Variants in DNAH11 observed in about 807,000 individuals in gnomAD.
DNAH11 encodes dynein axonemal heavy chain 11, also known as axonemal beta dynein heavy chain 11.
In DNAH11, 442 loss-of-function variants were observed where a neutral mutation model predicts 526.0. That is an observed-to-expected ratio of 0.84 (90% confidence interval 0.78 to 0.91). The LOEUF (loss-of-function observed/expected upper bound fraction) is 0.91, where lower values mean the gene tolerates loss of function less well. Among genes scored for constraint, DNAH11 ranks in the 40% least tolerant of loss-of-function variants. The pLI is 0.00. For missense variants in DNAH11, 6,989 were observed against 5,448.7 expected, an observed-to-expected ratio of 1.28 and a Z score of -8.90; for synonymous variants, 2,461 against 1,935.9, an observed-to-expected ratio of 1.27 and a Z score of -7.12.
intron 64 of DNAH11, 142 bp from the exon 65 acceptor site, chr7:21,818,075 G>A (rs1488976891): frequency 1.4e-6 from 1 of 707,074 alleles, no homozygotes. Context: ...TAGTGGAAGG[G>A]AACTACTACT....
chr7:21,865,300 C>G (rs994412848), intron 70 of DNAH11, among the ~76,000 whole-genome samples: 2 of 152,020 alleles, frequency 1.3e-5, no homozygotes, highest in Admixed American at 1.3e-4. Flanking sequence ...TAACTGTTAC[C>G]TCTTATTTTT....
intron 6 of DNAH11, among the ~76,000 whole-genome samples, chr7:21,569,519 T>C (rs2128435978): frequency 1.3e-5 from 2 of 152,324 alleles, no homozygotes; most frequent in South Asian, 4.1e-4. Context: ...TATTCAAAAC[T>C]AGTTCATGTG....
intron 8 of DNAH11, among the ~76,000 whole-genome samples, chr7:21,581,336 G>A (rs1221434393): frequency 2.0e-5 from 3 of 152,138 alleles, no homozygotes; most frequent in South Asian, 4.1e-4. Flanking sequence ...GATGCTAAAC[G>A]CACGCTAATA....
At chr7:21,626,501 T>A (rs1275650630) in intron 25 of DNAH11, among the ~76,000 whole-genome samples, 1 of 152,158 alleles carries the variant, frequency 6.6e-6, no homozygotes, top group Admixed American at 6.6e-5. Flanking sequence ...GATTACATTT[T>A]TCGTTCTTTG....
In DNAH11 at chr7:21,864,648, T is replaced by G. The variant is rs759610114; in HGVS notation, c.11487T>G (p.Ser3829Arg). The change falls in exon 70 of 82, where the codon AGT becomes AGG. Residue 3829 changes from serine to arginine, a missense_variant. Coordinates refer to ENST00000409508, the MANE Select transcript of DNAH11 (RefSeq NM_001277115.2). ...ACTTCCTAACTTCTCAGTCATGGAGTGCTATCAAGGTATGTTAGGAATACA... is the reference window on the plus strand; with the variant it reads ...ACTTCCTAACTTCTCAGTCATGGAGGGCTATCAAGGTATGTTAGGAATACA... Reference protein sequence around the residue: ...PVDFLTSQSWSAIKAIAVMEE... With the variant: ...PVDFLTSQSWRAIKAIAVMEE... The G allele has an allele frequency of 6.3e-7, 1 of 1,599,256 alleles. No individual in the cohort carries two copies. The highest frequency in any genetic ancestry group is 1.3e-5 in the African/African-American group (1 of 74,544).
At chr7:21,828,306 G>C (rs946031415) in intron 65 of DNAH11, among the ~76,000 whole-genome samples, 3 of 152,068 alleles carry the variant, frequency 2.0e-5, no homozygotes, top group African/African-American at 7.2e-5. Context: ...TATTTCCTTT[G>C]CTGGTAAGAA....
intron 6 of DNAH11, among the ~76,000 whole-genome samples, chr7:21,569,259 A>G (rs77828409): frequency 0.17 from 25,261 of 152,124 alleles, 3,312 homozygotes; most frequent in African/African-American, 0.35. Context: ...GCGACCACAA[A>G]ATTGAAGGCA....
chr7:21,893,111 A>G lies in DNAH11; in HGVS notation c.12750+444A>G, dbSNP rs186779911. Among the ~76,000 whole-genome samples the G allele has an allele frequency of 3.2e-3, 493 of 152,328 alleles. 1 individual carries two copies. The highest frequency in any genetic ancestry group is 0.011 in the African/African-American group (457 of 41,578). On this transcript the variant is annotated intron_variant, in intron 77 of 81. Transcript: ENST00000409508. ...GTTGTTTCTTGTTTTTCACTTTTAT[A>G]GAAATATCACAACCATGAACATTCT...
intron 56 of DNAH11, among the ~76,000 whole-genome samples, chr7:21,777,451 A>T (rs1321887487): frequency 6.6e-6 from 1 of 152,076 alleles, no homozygotes; most frequent in African/African-American, 2.4e-5. Flanking sequence ...AAATTACTGA[A>T]TTGTGTGGTA....
At chr7:21,619,078 T>A (rs1194255400) in intron 23 of DNAH11, 22 bp from the exon 24 acceptor site, 1 of 1,612,868 alleles carries the variant, frequency 6.2e-7, no homozygotes, top group Non-Finnish European at 8.5e-7. Context: ...ATATAAAGTC[T>A]AACTTTTTTT....
chr7:21,667,229 C>T (rs1782456909), intron 30 of DNAH11, among the ~76,000 whole-genome samples: 1 of 152,060 alleles, frequency 6.6e-6, no homozygotes, highest in South Asian at 2.1e-4. Context: ...AGTACAAAGC[C>T]CTGAGAAATG....
chr7:21,670,231 A>G (rs952286011), intron 30 of DNAH11, among the ~76,000 whole-genome samples: 1 of 152,010 alleles, frequency 6.6e-6, no homozygotes, highest in Non-Finnish European at 1.5e-5. Context: ...GTAGTTTTCA[A>G]TGTAGAAGCC....
Position 21,601,430 on chromosome 7 carries a change from G to C in DNAH11, c.3460G>C (p.Asp1154His). The C allele has an allele frequency of 1.2e-6, 2 of 1,613,368 alleles. No homozygotes were observed. The highest frequency in any genetic ancestry group is 8.5e-7 in the Non-Finnish European group (1 of 1,179,570). ...GCTACAAGAATTTATAAAGGAGACA[G>C]ATTCCGGACTTCAGAGAGAATTAAA... ...NELQEFIKET[D>H]SGLQRELNEG... The change falls in exon 18 of 82, where the codon GAT (aspartate) becomes CAT (histidine). Residue 1154 changes from aspartate to histidine, a missense_variant. Physicochemically the swap from Asp to His is moderately conservative, Grantham distance 81. Transcript: ENST00000409508.
At chr7:21,900,610 C>CCAAGATGTTCCTTTTTCAGTTTA (rs1437274733) in intron 81 of DNAH11, among the ~76,000 whole-genome samples, 3 of 152,108 alleles carry the variant, frequency 2.0e-5, no homozygotes, top group African/African-American at 4.8e-5. Flanking sequence ...TTAGTCCCTA[C>CCAAGATGTTCCTTTTTCAGTTTA]CAAGATGTTC....
rs79947346 is a variant in DNAH11 at position 21,901,359 on chromosome 7, C to G, written c.*105C>G. On this transcript the variant is annotated 3_prime_UTR_variant, in exon 82 of 82. Coordinates refer to ENST00000409508, the MANE Select transcript of DNAH11 (RefSeq NM_001277115.2). ...ATTATTCTAACTTTTTAGTAACTCA[C>G]ACGTGCATTCTTTTTTCAACGCTAT... 2.0e-3 allele frequency: 2,750 copies of G among 1,378,138 alleles called. 63 individuals carry two copies. In the East Asian group the frequency reaches 0.052, roughly 26 times the overall value. 85.4% of individuals were successfully genotyped at this position (1,378,138 alleles called of 1,614,324 possible).
chr7:21,739,535 G>A (rs1169906404), intron 47 of DNAH11, 36 bp from the exon 48 acceptor site: 5 of 1,571,674 alleles, frequency 3.2e-6, no homozygotes, highest in South Asian at 1.2e-5. Flanking sequence ...GTCATCTCCA[G>A]TTTTTGGATT....
chr7:21,547,515 G>T (rs1583470991), intron 2 of DNAH11, among the ~76,000 whole-genome samples: 1 of 152,180 alleles, frequency 6.6e-6, no homozygotes, highest in East Asian at 1.9e-4. Flanking sequence ...GTACTATGGG[G>T]TTACAATATT....
At chr7:21,784,163 G>C (rs1377046886) in intron 57 of DNAH11, among the ~76,000 whole-genome samples, 1 of 152,190 alleles carries the variant, frequency 6.6e-6, no homozygotes, top group African/African-American at 2.4e-5. Context: ...CCTTATAATT[G>C]AGTTAGTCAA....
intron 28 of DNAH11, among the ~76,000 whole-genome samples, chr7:21,653,128 G>A (rs1245991598): frequency 6.6e-6 from 1 of 152,130 alleles, no homozygotes; most frequent in African/African-American, 2.4e-5. Context: ...CACCCGCCTT[G>A]GCCTCCCAAA....
Sources: allele counts gnomAD v4.1 joint callset (sites outside exome capture counted in the v4.1 genomes callset), GRCh38; gene constraint gnomAD v4.1.1; transcripts MANE v1.5; gene names NCBI Gene and HGNC (gene_info 2026-07-23, HGNC 2026-07-21).